DLG1: variants seen among roughly 807,000 people sequenced by gnomAD.
DLG1 encodes the protein disks large homolog 1.
Under a neutral mutation model 123.4 loss-of-function variants are expected in DLG1, and 42 were observed. The ratio of observed to expected loss-of-function variants is 0.34; its 90% CI spans 0.27 to 0.44. DLG1 has a LOEUF of 0.44. DLG1 is among the 20% of genes least tolerant of loss of function. The pLI is 1.00. For missense variants in DLG1, 942 were observed against 1,082.6 expected (o/e 0.87, Z 1.82); for synonymous variants, 317 against 356.2 (o/e 0.89, Z 1.24).
chr3:197,170,614 T>C (rs1803705642), intron 5 of DLG1, among the ~76,000 whole-genome samples: 1 of 152,210 alleles, frequency 6.6e-6, no homozygotes, highest in Non-Finnish European at 1.5e-5. Context: ...TTTCTTGAAG[T>C]TCCTTATAGA....
Position 197,141,888 on chromosome 3 carries a change from GTA to G in DLG1, c.588+828_588+829del, listed in dbSNP as rs1435839959. 7.2e-5 allele frequency among the ~76,000 whole-genome samples: 11 copies of G among 152,236 alleles called. No individual in the cohort carries two copies. In the East Asian group the frequency reaches 2.1e-3, roughly 29 times the overall value. ...CACCTGGCTAATTTTTGTATTTTTA[GTA>G]GAGACGGAGTTTTGCCATGTTGGCC... On this transcript the variant is annotated intron_variant, in intron 7 of 24. Coordinates refer to ENST00000667157, the MANE Select transcript of DLG1 (RefSeq NM_001366207.1).
At chr3:197,239,162 G>A (rs1429710474) in intron 4 of DLG1, among the ~76,000 whole-genome samples, 1 of 151,966 alleles carries the variant, frequency 6.6e-6, no homozygotes. Flanking sequence ...CAATTCTAGA[G>A]AAATAAATAG....
chr3:197,274,079 T>G (rs977247913), intron 4 of DLG1, among the ~76,000 whole-genome samples: 2 of 152,138 alleles, frequency 1.3e-5, no homozygotes, highest in Admixed American at 6.5e-5. Flanking sequence ...ACCAGTGACA[T>G]TCTTCATAGA....
chr3:197,280,337 T>TGTG (rs1768639849), intron 4 of DLG1, among the ~76,000 whole-genome samples: 8 of 149,916 alleles, frequency 5.3e-5, no homozygotes, highest in Non-Finnish European at 1.2e-4. Flanking sequence ...GTAGTCCATT[T>TGTG]TGTGTGTGTG....
chr3:197,212,781 CT>C lies in DLG1; in HGVS notation c.319-18193del, dbSNP rs368195370. 3.6e-3 allele frequency among the ~76,000 whole-genome samples: 541 copies of C among 152,302 alleles called. 3 individuals are homozygous for C. Among genetic ancestry groups the C allele is most frequent in the African/African-American group, 0.011 (473 of 41,556 alleles). On this transcript the variant is annotated intron_variant, in intron 4 of 24. Transcript: ENST00000667157. ...ATTAGGGGCTAGGACTCCAACATATCTTTTTTTGTGAGAGACAGAATTCAAC... is the reference window on the plus strand; with the variant it reads ...ATTAGGGGCTAGGACTCCAACATATCTTTTTTGTGAGAGACAGAATTCAAC...
rs775083360 is a variant in DLG1, at chr3:197,085,574, G to T, written c.1838+6C>A. 3.7e-6 allele frequency: 6 copies of T among 1,613,254 alleles called. No homozygotes were observed. The South Asian group carries it at 5.5e-5, about 15-fold the overall frequency. ...CTCACATTCAAGTGGTAAGAAACAGGCATACCTGCGTTTACTGGGAATCAC... is the reference window on the plus strand; with the variant it reads ...CTCACATTCAAGTGGTAAGAAACAGTCATACCTGCGTTTACTGGGAATCAC... On this transcript the variant is annotated splice_donor_region_variant and intron_variant, in intron 16 of 24. Transcript: ENST00000667157.
chr3:197,234,835 T>C (rs553278188), intron 4 of DLG1, among the ~76,000 whole-genome samples: 1 of 152,298 alleles, frequency 6.6e-6, no homozygotes, highest in African/African-American at 2.4e-5. Flanking sequence ...ACAATGAACA[T>C]ACATTGTATC....
intron 5 of DLG1, among the ~76,000 whole-genome samples, chr3:197,153,231 C>CA (rs1374092179): frequency 6.6e-6 from 1 of 152,096 alleles, no homozygotes; most frequent in Non-Finnish European, 1.5e-5. Context: ...ATTGTAAAAA[C>CA]AAATGGGGTG....
Position 197,262,458 on chromosome 3 carries a change from G to A in DLG1, c.318+20221C>T, listed in dbSNP as rs956306517. 4.6e-5 allele frequency among the ~76,000 whole-genome samples: 7 copies of A among 152,082 alleles called. No individual in the cohort carries two copies. The South Asian group carries it at 1.2e-3, about 27-fold the overall frequency. On this transcript the variant is annotated intron_variant, in intron 4 of 24. Transcript: ENST00000667157. Reference sequence around the variant, plus strand: ...TTATAACATCTTTTATAATAAACTAGTAAACGCATTTCCCTGAGTTCTGTA... The same window carrying A: ...TTATAACATCTTTTATAATAAACTAATAAACGCATTTCCCTGAGTTCTGTA...
intron 5 of DLG1, among the ~76,000 whole-genome samples, chr3:197,155,300 A>C (rs1795888185): frequency 6.6e-6 from 1 of 152,202 alleles, no homozygotes; most frequent in Admixed American, 6.5e-5. Context: ...GACGAAAAAA[A>C]CCCAAACCTG....
At chr3:197,207,845 A>G (rs1484357914) in intron 4 of DLG1, among the ~76,000 whole-genome samples, 1 of 145,990 alleles carries the variant, frequency 6.8e-6, no homozygotes, top group East Asian at 2.0e-4. Context: ...AAATGAGACT[A>G]TAACACAAGA....
intron 20 of DLG1, 134 bp from the exon 21 acceptor site, chr3:197,065,943 T>A (rs1739233941): frequency 3.6e-6 from 2 of 559,938 alleles, no homozygotes; most frequent in African/African-American, 1.9e-5. Flanking sequence ...CACTCTACCA[T>A]CAACCAAAGA....
intron 14 of DLG1, among the ~76,000 whole-genome samples, chr3:197,103,532 G>A (rs1764680813): frequency 6.6e-6 from 1 of 151,566 alleles, no homozygotes; most frequent in Non-Finnish European, 1.5e-5. Flanking sequence ...AAAAATTAAC[G>A]AATTGACATT....
At chr3:197,142,892 C>T in intron 6 of DLG1, 124 bp from the exon 7 acceptor site, 1 of 673,500 alleles carries the variant, frequency 1.5e-6, no homozygotes, top group South Asian at 1.9e-5. Context: ...AACACAATAG[C>T]TTCATTTTAA....
Position 197,153,142 on chromosome 3 carries a change from T to A in DLG1, c.484-3346A>T, listed in dbSNP as rs147545787. ...GCAAAACTCACAAACTCCAGAGAAT[T>A]CTTCTTAGATCCTAATTTGAGACAC... On this transcript the variant is annotated intron_variant, in intron 5 of 24. Coordinates refer to ENST00000667157, the MANE Select transcript of DLG1 (RefSeq NM_001366207.1). Among the ~76,000 whole-genome samples the A allele has an allele frequency of 9.7e-3, 1,476 of 152,320 alleles. 17 individuals are homozygous for A. The highest frequency in any genetic ancestry group is 0.023 in the African/African-American group (957 of 41,566).
chr3:197,083,083 T>C (rs914340409), intron 16 of DLG1, among the ~76,000 whole-genome samples: 2 of 152,228 alleles, frequency 1.3e-5, no homozygotes, highest in Non-Finnish European at 2.9e-5. Flanking sequence ...AAAAAAGTTA[T>C]GCTGATTGCT....
In DLG1 at chr3:197,146,519, T is replaced by C. The variant is rs562775865; in HGVS notation, c.537+3224A>G. On this transcript the variant is annotated intron_variant, in intron 6 of 24. Coordinates refer to ENST00000667157, the MANE Select transcript of DLG1 (RefSeq NM_001366207.1). Reference sequence around the variant, plus strand: ...CAAATACTTACAGCCACCTGATCTTTGACAAAGCAAACAAAAACATAAAGT... The same window carrying C: ...CAAATACTTACAGCCACCTGATCTTCGACAAAGCAAACAAAAACATAAAGT... Among the ~76,000 whole-genome samples the C allele has an allele frequency of 1.6e-4, 25 of 152,264 alleles. No homozygotes were observed. In the South Asian group the frequency reaches 4.6e-3, roughly 28 times the overall value.
At chr3:197,250,533 C>A (rs1219774858) in intron 4 of DLG1, among the ~76,000 whole-genome samples, 2 of 149,896 alleles carry the variant, frequency 1.3e-5, no homozygotes, top group Non-Finnish European at 3.0e-5. Flanking sequence ...CATGCCACTG[C>A]ACTCCAGCCC....
At chr3:197,148,259 A>AAAAAAAAAAAAAAAAAAAAAC (rs1792026512) in intron 6 of DLG1, among the ~76,000 whole-genome samples, 1 of 144,446 alleles carries the variant, frequency 6.9e-6, no homozygotes, top group Non-Finnish European at 1.5e-5. Context: ...AAAAAAAAAA[A>AAAAAAAAAAAAAAAAAAAAAC]AATAGCCAGT....
Sources: allele counts gnomAD v4.1 joint callset (sites outside exome capture counted in the v4.1 genomes callset), GRCh38; gene constraint gnomAD v4.1.1; transcripts MANE v1.5; gene names NCBI Gene and HGNC (gene_info 2026-07-23, HGNC 2026-07-21).